The following CACNA1G variants were observed in gnomAD, a reference collection of about 807,000 sequenced individuals.
CACNA1G encodes the protein voltage-dependent T-type calcium channel subunit alpha-1G.
In CACNA1G, 67 loss-of-function variants were observed where a neutral mutation model predicts 219.4. The ratio of observed to expected loss-of-function variants is 0.31; its 90% CI spans 0.25 to 0.37. The LOEUF (loss-of-function observed/expected upper bound fraction) is 0.37. CACNA1G is among the 10% of genes least tolerant of loss of function. The pLI, the probability that CACNA1G is intolerant of heterozygous loss-of-function variation, is 1.00. For missense variants in CACNA1G, 2,380 were observed against 3,231.4 expected (o/e 0.74, Z 6.39); for synonymous variants, 1,296 against 1,345.3 (o/e 0.96, Z 0.80).
rs1454105926 is a variant in CACNA1G at position 50,572,562 on chromosome 17, G to A, written c.755G>A (p.Ser252Asn). Reference sequence around the variant, plus strand: ...CCCTTCCCATCCTGCAGCCCCCTGAGCGTGGACCTGGAGCGCTATTACCAG... The same window carrying A: ...CCCTTCCCATCCTGCAGCCCCCTGAACGTGGACCTGGAGCGCTATTACCAG... ...FLPENFSLPL[S>N]VDLERYYQTE... The change falls in exon 6 of 38, where the codon AGC becomes AAC. Residue 252 changes from serine (S) to asparagine (N), a missense_variant. Physicochemically the swap from Ser to Asn is conservative, Grantham distance 46 (BLOSUM62 1). Around this residue, in one of 17 missense-constraint regions of CACNA1G, gnomAD observed 68 missense variants for 85.3 expected, o/e 0.80. Transcript: ENST00000359106. The A allele has an allele frequency of 1.3e-6, 2 of 1,543,842 alleles. No homozygotes were observed. The highest frequency in any genetic ancestry group is 1.7e-6 in the Non-Finnish European group (2 of 1,143,536).
At position 50,591,465 on chromosome 17, in the gene CACNA1G, C is replaced by T. The variant is rs762597859; in HGVS notation, c.2484C>T (p.Gly828=). 46 of 1,591,890 alleles carry T rather than the reference C, an allele frequency of 2.9e-5. No individual in the cohort carries two copies. The Admixed American group carries it at 4.6e-4, about 16-fold the overall frequency. Residue 828 remains glycine (G), a synonymous_variant, in exon 11 of 38, where the codon GGC becomes GGT. Transcript: ENST00000359106. ...SVWEIVGQQG[G]GLSVLRTFRL... The stretch of plus-strand genomic sequence containing the variant: ...GGGAGATCGTGGGCCAGCAGGGGGG[C>T]GGCCTGTCGGTGCTGCGGACCTTCC...
chr17:50,619,534 G>T, intron 33 of CACNA1G, 149 bp from the exon 34 acceptor site: 1 of 491,646 alleles, frequency 2.0e-6, no homozygotes, highest in Non-Finnish European at 3.6e-6. Context: ...GTGTTTTTGT[G>T]TGTGTGCACA....
intron 23 of CACNA1G, chr17:50,606,353 C>T (rs1417487648): frequency 3.2e-6 from 2 of 623,954 alleles, no homozygotes; most frequent in South Asian, 1.9e-5. Context: ...GATGTGAATC[C>T]TGTGCAAATC....
Position 50,601,071 on chromosome 17 carries a change from G to A in CACNA1G, c.3812G>A (p.Arg1271Gln), listed in dbSNP as rs780733290. The A allele has an allele frequency of 9.9e-6, 16 of 1,613,670 alleles. No individual in the cohort carries two copies. The highest frequency in any genetic ancestry group is 8.8e-5 in the South Asian group (8 of 91,090). Reference sequence around the variant, plus strand: ...GGCAGGTTCCGCCTCCTGTGTCACCGGATCATCACCCACAAGATGTTCGAC... The same window carrying A: ...GGCAGGTTCCGCCTCCTGTGTCACCAGATCATCACCCACAAGATGTTCGAC... ...PQSRFRLLCH[R>Q]IITHKMFDHV... Residue 1271 changes from arginine (R) to glutamine (Q), a missense_variant, in exon 19 of 38, where the codon CGG (arginine) becomes CAG (glutamine). Arg to Gln is a conservative substitution (Grantham distance 43). Transcript: ENST00000359106.
chr17:50,594,929 G>T lies in CACNA1G; in HGVS notation c.2911-64G>T, dbSNP rs906783257. ...TTCTTCATCCTCTCTCGACACTGCCGATATCTGAAGGCCCCGAGCGCCTGT... is the reference window on the plus strand; with the variant it reads ...TTCTTCATCCTCTCTCGACACTGCCTATATCTGAAGGCCCCGAGCGCCTGT... On this transcript the variant is annotated intron_variant, in intron 13 of 37. Coordinates refer to ENST00000359106, the MANE Select transcript of CACNA1G (RefSeq NM_018896.5). The T allele has an allele frequency of 7.1e-6, 9 of 1,262,846 alleles. No homozygotes were observed. The Admixed American group carries it at 1.8e-4, about 25-fold the overall frequency. The allele number at this position is 1,262,846 out of a possible 1,614,324, so 78.2% of individuals were successfully genotyped here.
In CACNA1G at chr17:50,600,609, T is replaced by C. The variant is rs2046428291; in HGVS notation, c.3691-117T>C. The C allele has an allele frequency of 1.2e-6, 1 of 816,036 alleles. No homozygotes were observed. The highest frequency in any genetic ancestry group is 2.1e-6 in the Non-Finnish European group (1 of 485,568). 50.5% of individuals were successfully genotyped at this position (816,036 alleles called of 1,614,324 possible). ...TAAAGGAAGAGAGGCAGGGCAGAGC[T>C]TGGGCCCCAGGTGGGAGAGGGTAGA... is the stretch of plus-strand genomic sequence containing the variant. On this transcript the variant is annotated intron_variant, in intron 17 of 37. Transcript: ENST00000359106. This position sits in a 1 kb window ranked among gnomAD's most constrained non-coding sequence, Gnocchi z 4.1.
rs1374337263 is a variant in CACNA1G at position 50,600,645 on chromosome 17, G to A, written c.3691-81G>A. ...GTGGGAGAGGGTAGACAAGGAGTGA[G>A]GCTCGTGACTCTGCTGAGGAGCCAG... On this transcript the variant is annotated intron_variant, in intron 17 of 37. Transcript: ENST00000359106. This position sits in a 1 kb window ranked among gnomAD's most constrained non-coding sequence, Gnocchi z 4.1. The A allele has an allele frequency of 5.9e-6, 7 of 1,194,952 alleles. No homozygotes were observed. In the East Asian group the frequency reaches 1.2e-4, roughly 20 times the overall value. The allele number at this position is 1,194,952 out of a possible 1,614,324, so 74.0% of individuals were successfully genotyped here.
chr17:50,573,184 G>C (rs774987899), intron 7 of CACNA1G, 71 bp downstream of exon 7: 2 of 1,145,974 alleles, frequency 1.7e-6, no homozygotes, highest in South Asian at 2.6e-5. Context: ...TCCAGAGAGG[G>C]GATAGTTTGC....
intron 24 of CACNA1G, 153 bp downstream of exon 24, chr17:50,607,142 A>G: frequency 1.4e-6 from 1 of 703,766 alleles, no homozygotes; most frequent in Non-Finnish European, 2.6e-6. Flanking sequence ...TGTGGGCCAA[A>G]TCTGGGCATG....
chr17:50,573,336 A>C (rs1438990106), intron 7 of CACNA1G: 2 of 528,838 alleles, frequency 3.8e-6, no homozygotes. Flanking sequence ...TGGGCAAGTC[A>C]TTCTCCATGA....
At position 50,601,135 on chromosome 17, in the gene CACNA1G, C is replaced by G. The variant is rs2046541246; in HGVS notation, c.3876C>G (p.Thr1292=). 6.2e-7 allele frequency: 1 copy of G among 1,613,942 alleles called. No individual in the cohort carries two copies. Among genetic ancestry groups the G allele is most frequent in the Non-Finnish European group, 8.5e-7 (1 of 1,179,866 alleles). Residue 1292 remains threonine (T), a synonymous_variant, in exon 19 of 38, where the codon ACC becomes ACG. Coordinates refer to ENST00000359106, the MANE Select transcript of CACNA1G (RefSeq NM_018896.5). ...VLVIIFLNCI[T]IAMERPKIDP... ...TCATCATCTTCCTTAACTGCATCACCATCGCCATGGAGCGCCCCAAAATTG... is the reference window on the plus strand; with the variant it reads ...TCATCATCTTCCTTAACTGCATCACGATCGCCATGGAGCGCCCCAAAATTG...
chr17:50,565,235 C>T (rs1440311716), intron 1 of CACNA1G, among the ~76,000 whole-genome samples: 1 of 152,200 alleles, frequency 6.6e-6, no homozygotes, highest in East Asian at 1.9e-4. Context: ...TCTCTTGTGT[C>T]TCTGTGTCTC....
rs772013231 is a variant in CACNA1G at position 50,599,497 on chromosome 17, C to A, written c.3328C>A (p.Arg1110=). ...ASSWTSRRSS[R]NSLGRAPSLK... is the part of the protein sequence containing the mutation. ...CAGCTGGACCAGCAGGCGCTCCAGC[C>A]GGAACAGCCTCGGCCGTGCACCCAG... is the stretch of plus-strand genomic sequence containing the variant. The change falls in exon 17 of 38, where the codon CGG becomes AGG. Residue 1110 remains arginine, a synonymous_variant. Coordinates refer to ENST00000359106, the MANE Select transcript of CACNA1G (RefSeq NM_018896.5). The A allele has an allele frequency of 1.0e-5, 16 of 1,601,064 alleles. No individual in the cohort carries two copies. Among genetic ancestry groups the A allele is most frequent in the Admixed American group, 6.9e-5 (4 of 57,794 alleles).
At chr17:50,574,444 T>C (rs1451961227) in intron 7 of CACNA1G, among the ~76,000 whole-genome samples, 1 of 152,224 alleles carries the variant, frequency 6.6e-6, no homozygotes, top group African/African-American at 2.4e-5. Flanking sequence ...TAACTTCCCC[T>C]GGTGCAGAAG....
Position 50,561,649 on chromosome 17 carries a change from T to G in CACNA1G, c.190T>G (p.Leu64Val). 6.2e-7 allele frequency: 1 copy of G among 1,607,446 alleles called. No homozygotes were observed. Among genetic ancestry groups the G allele is most frequent in the South Asian group, 1.1e-5 (1 of 90,588 alleles). Residue 64 changes from leucine to valine, a missense_variant, in exon 1 of 38, where the codon TTG (leucine) becomes GTG (valine). By Grantham distance (32) the Leu-to-Val change is conservative. Around this residue, in one of 17 missense-constraint regions of CACNA1G, gnomAD observed 64 missense variants for 103.7 expected, o/e 0.62. Coordinates refer to ENST00000359106, the MANE Select transcript of CACNA1G (RefSeq NM_018896.5). ...GCTGGCCCCGGTGGTTTTCTTCTACTTGAGCCAGGACAGCCGCCCGCGGAG... is the reference window on the plus strand; with the variant it reads ...GCTGGCCCCGGTGGTTTTCTTCTACGTGAGCCAGGACAGCCGCCCGCGGAG... ...PALAPVVFFY[L>V]SQDSRPRSWC...
intron 23 of CACNA1G, among the ~76,000 whole-genome samples, chr17:50,606,663 TCTC>T (rs1001137458): frequency 6.6e-6 from 1 of 152,168 alleles, no homozygotes; most frequent in African/African-American, 2.4e-5. Context: ...TTGTGTCCCT[TCTC>T]CTACCTGGCG....
Position 50,578,727 on chromosome 17 carries a change from G to A in CACNA1G, c.2301+163G>A, listed in dbSNP as rs198552. Among the ~76,000 whole-genome samples, 89,174 of 151,926 alleles carry A rather than the reference G, an allele frequency of 0.59. 26,849 individuals are homozygous for A. The highest frequency in any genetic ancestry group is 0.93 in the East Asian group (4,819 of 5,156). ...AGGTGGGTGATGGAGCAATGCATGGGGATTCTCTAGAGGGAGTGCTTAAAG... is the reference window on the plus strand; with the variant it reads ...AGGTGGGTGATGGAGCAATGCATGGAGATTCTCTAGAGGGAGTGCTTAAAG... On this transcript the variant is annotated intron_variant, in intron 9 of 37. Coordinates refer to ENST00000359106, the MANE Select transcript of CACNA1G (RefSeq NM_018896.5). The surrounding 1 kb of genome is among the most constrained non-coding windows in gnomAD (Gnocchi z 4.5).
chr17:50,602,340 C>T (rs1263108144), intron 19 of CACNA1G, among the ~76,000 whole-genome samples: 1 of 152,242 alleles, frequency 6.6e-6, no homozygotes, highest in Non-Finnish European at 1.5e-5. Context: ...CCTGCCCTGC[C>T]CCAGCCTGTG....
chr17:50,580,141 G>A (rs2041622396), intron 9 of CACNA1G, among the ~76,000 whole-genome samples: 1 of 152,100 alleles, frequency 6.6e-6, no homozygotes, highest in African/African-American at 2.4e-5. Context: ...GTGCCAGCGG[G>A]TGGGCGCACT....
Sources: allele counts gnomAD v4.1 joint callset (sites outside exome capture counted in the v4.1 genomes callset), GRCh38; gene constraint gnomAD v4.1.1; regional missense constraint gnomAD v4.1.1; non-coding constraint Gnocchi (gnomAD v3.1); transcripts MANE v1.5; gene names NCBI Gene and HGNC (gene_info 2026-07-23, HGNC 2026-07-21).